C16orf46: variants seen among roughly 807,000 people sequenced by gnomAD.
C16orf46 encodes chromosome 16 open reading frame 46, also known as uncharacterized protein C16orf46.
In C16orf46, 7 loss-of-function variants were observed where a neutral mutation model predicts 5.5. The observed-to-expected ratio is 1.28, with a 90% CI of 0.73 to 2.40. The LOEUF (loss-of-function observed/expected upper bound fraction) is 2.40, where lower values mean the gene tolerates loss of function less well. Ranked by LOEUF, C16orf46 falls within the 30% of genes most tolerant of loss-of-function variation. The pLI, the probability that C16orf46 is intolerant of heterozygous loss-of-function variation, is 0.00. For synonymous variants in C16orf46, 200 were observed against 184.1 expected, an observed-to-expected ratio of 1.09 and a Z score of -0.70; for missense variants, 614 against 476.0, an observed-to-expected ratio of 1.29 and a Z score of -2.70.
intron 1 of C16orf46, among the ~76,000 whole-genome samples, chr16:81,070,520 CA>C (rs1298828306): frequency 6.6e-6 from 1 of 152,024 alleles, no homozygotes; most frequent in African/African-American, 2.4e-5. Flanking sequence ...TTTTTTTAAA[CA>C]AAGGCACACA....
intron 1 of C16orf46, among the ~76,000 whole-genome samples, chr16:81,068,733 G>A (rs1009276095): frequency 1.3e-5 from 2 of 151,406 alleles, no homozygotes; most frequent in Admixed American, 6.6e-5. Context: ...ACCAAGTCTC[G>A]CTCTGTCACC....
intron 1 of C16orf46, among the ~76,000 whole-genome samples, chr16:81,073,042 T>G (rs1007387091): frequency 5.3e-5 from 8 of 152,126 alleles, no homozygotes; most frequent in African/African-American, 1.9e-4. Context: ...AGCTATTTAG[T>G]CCTCTAAATT....
In C16orf46 at chr16:81,061,832, T is replaced by C; in HGVS notation, c.517A>G (p.Lys173Glu). The C allele has an allele frequency of 6.2e-7, 1 of 1,614,202 alleles. No individual in the cohort carries two copies. The highest frequency in any genetic ancestry group is 1.3e-5 in the African/African-American group (1 of 75,058). Residue 173 changes from lysine to glutamate, a missense_variant, in exon 4 of 4, where the codon AAA (lysine) becomes GAA (glutamate). Physicochemically the swap from Lys to Glu is moderately conservative, Grantham distance 56 (BLOSUM62 1). Coordinates refer to ENST00000299578, the MANE Select transcript of C16orf46 (RefSeq NM_152337.3). ...TTAGTGCCGGGGATGGCCCAGTCTT[T>C]GTTGCACCAAATAAACTCCTTGATT... ...LQIKEFIWCN[K>E]DWAIPGTNRG...
chr16:81,056,795 C>T (rs1462090055), downstream of C16orf46, among the ~76,000 whole-genome samples: 7 of 151,694 alleles, frequency 4.6e-5, no homozygotes, highest in East Asian at 3.9e-4. Context: ...AGAGGACCAG[C>T]GCAAAATGGA....
In C16orf46 at chr16:81,061,984, C is replaced by G. The variant is rs759358077; in HGVS notation, c.365G>C (p.Gly122Ala). The change falls in exon 4 of 4, where the codon GGC becomes GCC. Residue 122 changes from glycine (G) to alanine (A), a missense_variant. Coordinates refer to ENST00000299578, the MANE Select transcript of C16orf46 (RefSeq NM_152337.3). ...GGGGCTGCTCTGATCCTTCTCTGGGCCCCCCTCAGTAGGAGGCTTGGTCTG... is the reference window on the plus strand; with the variant it reads ...GGGGCTGCTCTGATCCTTCTCTGGGGCCCCCTCAGTAGGAGGCTTGGTCTG... ...SLQTKPPTEG[G>A]PEKDQSSPSQ... is the part of the protein sequence containing the mutation. The G allele has an allele frequency of 6.2e-7, 1 of 1,614,034 alleles. No homozygotes were observed. The highest frequency in any genetic ancestry group is 1.1e-5 in the South Asian group (1 of 91,086).
intron 1 of C16orf46, among the ~76,000 whole-genome samples, chr16:81,074,813 TTTTC>T (rs1461990032): frequency 6.6e-6 from 1 of 152,202 alleles, no homozygotes; most frequent in African/African-American, 2.4e-5. Flanking sequence ...TTTCTTTTCT[TTTTC>T]TTTATTCTTT....
intron 1 of C16orf46, among the ~76,000 whole-genome samples, chr16:81,072,846 C>A (rs1971903173): frequency 1.3e-5 from 2 of 152,092 alleles, no homozygotes; most frequent in South Asian, 4.1e-4. Context: ...GGATTACAGG[C>A]GTGCGCCACC....
rs1235418553 is a variant in C16orf46 at position 81,061,727 on chromosome 16, G to C, written c.622C>G (p.Leu208Val). The change falls in exon 4 of 4, where the codon CTC becomes GTC. Residue 208 changes from leucine to valine, a missense_variant. Leu to Val is a conservative substitution (Grantham distance 32). Transcript: ENST00000299578. The stretch of plus-strand genomic sequence containing the variant: ...GCCTTCAGGGGAGGCAGAACTAGGA[G>C]GGCCCTGGAAGTCAGGGGGCCTGGG... ...SIPGPLTSRALLVLPPLKASL... is the reference protein window; with the variant it reads ...SIPGPLTSRAVLVLPPLKASL... The C allele has an allele frequency of 1.2e-6, 2 of 1,613,904 alleles. No homozygotes were observed. The highest frequency in any genetic ancestry group is 1.7e-5 in the Admixed American group (1 of 60,012).
At chr16:81,070,843 A>G (rs900583371) in intron 1 of C16orf46, among the ~76,000 whole-genome samples, 1 of 152,154 alleles carries the variant, frequency 6.6e-6, no homozygotes, top group Admixed American at 6.5e-5. Context: ...AAGTCACTCT[A>G]TAGTTTCACT....
intron 1 of C16orf46, among the ~76,000 whole-genome samples, chr16:81,074,880 C>T (rs915354771): frequency 6.6e-6 from 1 of 152,078 alleles, no homozygotes; most frequent in African/African-American, 2.4e-5. Context: ...TAAAATTTCC[C>T]CTTTTGTTTT....
chr16:81,060,840 G>A (rs147717380), downstream of C16orf46: 506 of 385,404 alleles, frequency 1.3e-3, 2 homozygotes, highest in African/African-American at 0.01. Context: ...CACTTTCTGC[G>A]TGGCTTCTGC....
chr16:81,069,044 T>A, intron 1 of C16orf46, among the ~76,000 whole-genome samples: 1 of 152,202 alleles, frequency 6.6e-6, no homozygotes. Flanking sequence ...ACGTGGCTAC[T>A]TTATTTTAAT....
chr16:81,064,885 C>A (rs958131265), intron 2 of C16orf46, among the ~76,000 whole-genome samples: 1 of 152,182 alleles, frequency 6.6e-6, no homozygotes, highest in African/African-American at 2.4e-5. Flanking sequence ...TGATTTTGGA[C>A]TTTGAGAATC....
Position 81,061,924 on chromosome 16 carries a change from G to C in C16orf46, c.425C>G (p.Thr142Ser), listed in dbSNP as rs746367231. ...GATGTCGCTAATTGCCCTGGAAGCAGTGCTGGGGCCCTGGGGGGCTGCCTG... is the reference window on the plus strand; with the variant it reads ...GATGTCGCTAATTGCCCTGGAAGCACTGCTGGGGCCCTGGGGGGCTGCCTG... ...QTQAAPQGPS[T>S]ASRAISDICF... Residue 142 changes from threonine to serine, a missense_variant, in exon 4 of 4, where the codon ACT becomes AGT. Thr to Ser is a moderately conservative substitution (Grantham distance 58). Coordinates refer to ENST00000299578, the MANE Select transcript of C16orf46 (RefSeq NM_152337.3). The C allele has an allele frequency of 2.5e-6, 4 of 1,614,222 alleles. No individual in the cohort carries two copies. In the South Asian group the frequency reaches 3.3e-5, roughly 13 times the overall value.
chr16:81,070,157 G>A (rs1360282945), intron 1 of C16orf46, among the ~76,000 whole-genome samples: 1 of 151,952 alleles, frequency 6.6e-6, no homozygotes, highest in Non-Finnish European at 1.5e-5. Context: ...CAAATTTTTG[G>A]ATTCTAAAGT....
At chr16:81,065,186 A>G (rs1971616307) in intron 2 of C16orf46, among the ~76,000 whole-genome samples, 1 of 152,164 alleles carries the variant, frequency 6.6e-6, no homozygotes, top group African/African-American at 2.4e-5. Flanking sequence ...AAAAAGGGCT[A>G]AAGCGGCTGC....
At chr16:81,074,609 T>C (rs937137304) in intron 1 of C16orf46, among the ~76,000 whole-genome samples, 2 of 152,130 alleles carry the variant, frequency 1.3e-5, no homozygotes, top group African/African-American at 4.8e-5. Flanking sequence ...GGTCTCGATC[T>C]CTTGACCTCG....
In C16orf46 at chr16:81,061,000, T is replaced by C; in HGVS notation, c.*161A>G. 2 of 1,394,884 alleles carry C rather than the reference T, an allele frequency of 1.4e-6. No individual in the cohort carries two copies. The highest frequency in any genetic ancestry group is 2.5e-5 in the East Asian group (1 of 39,394). The allele number at this position is 1,394,884 out of a possible 1,614,324, so 86.4% of individuals were successfully genotyped here. ...TCCACTGAGGTTCAGTTTTCTTCAG[T>C]TGTACTACAAAAAAAAAATGGAGGA... On this transcript the variant is annotated 3_prime_UTR_variant, in exon 4 of 4. Coordinates refer to ENST00000299578, the MANE Select transcript of C16orf46 (RefSeq NM_152337.3).
intron 2 of C16orf46, among the ~76,000 whole-genome samples, chr16:81,064,442 C>G (rs1971588838): frequency 6.6e-6 from 1 of 151,966 alleles, no homozygotes; most frequent in Non-Finnish European, 1.5e-5. Flanking sequence ...CACTGCCAAC[C>G]ACTGGCACTA....
Sources: gnomAD v4.1 joint callset for allele counts (sites outside exome capture counted in the v4.1 genomes callset) on GRCh38, gnomAD v4.1.1 for gene constraint, MANE v1.5 for transcripts, NCBI Gene and HGNC (gene_info 2026-07-23, HGNC 2026-07-21) for gene names.